HS6ST3: variants seen among roughly 807,000 people sequenced by gnomAD.
The protein encoded by HS6ST3 is heparan sulfate 6-O-sulfotransferase 3, also known as heparan-sulfate 6-O-sulfotransferase 3.
In HS6ST3, 12 loss-of-function variants were observed where a neutral mutation model predicts 36.7. The observed-to-expected ratio is 0.33, with a 90% CI of 0.21 to 0.53. The LOEUF is 0.53. Among genes scored for constraint, HS6ST3 ranks in the 20% least tolerant of loss-of-function variants. The pLI is 0.95. For missense variants in HS6ST3, 584 were observed against 640.9 expected (o/e 0.91, Z 0.96); for synonymous variants, 240 against 257.5 (o/e 0.93, Z 0.65).
At chr13:96,192,597 G>A (rs920929339) in intron 1 of HS6ST3, among the ~76,000 whole-genome samples, 7 of 54,586 alleles carry the variant, frequency 1.3e-4, no homozygotes, top group Middle Eastern at 9.1e-3. Flanking sequence ...TATTCCATGG[G>A]ATGGATATAT....
intron 1 of HS6ST3, among the ~76,000 whole-genome samples, chr13:96,766,880 A>G (rs1409990373): frequency 6.6e-6 from 1 of 152,232 alleles, no homozygotes; most frequent in Non-Finnish European, 1.5e-5. Context: ...CTGATCTAAA[A>G]GAATTGATAA....
intron 1 of HS6ST3, among the ~76,000 whole-genome samples, chr13:96,250,701 T>C (rs992074218): frequency 1.3e-5 from 2 of 152,168 alleles, no homozygotes; most frequent in African/African-American, 2.4e-5. Context: ...AGGAATACAA[T>C]ACATCCTCCA....
intron 1 of HS6ST3, among the ~76,000 whole-genome samples, chr13:96,322,688 C>A (rs2055010270): frequency 1.3e-5 from 2 of 152,314 alleles, no homozygotes; most frequent in African/African-American, 4.8e-5. Flanking sequence ...TTCTCTTAAC[C>A]ACTTTACAGC....
chr13:96,227,130 G>A (rs544451686), intron 1 of HS6ST3, among the ~76,000 whole-genome samples: 4 of 152,168 alleles, frequency 2.6e-5, no homozygotes, highest in East Asian at 3.9e-4. Context: ...TATTTTGCAC[G>A]TTCCATACAA....
chr13:96,503,812 C>T (rs1412154886), intron 1 of HS6ST3, among the ~76,000 whole-genome samples: 1 of 152,158 alleles, frequency 6.6e-6, no homozygotes, highest in Non-Finnish European at 1.5e-5. Context: ...CATAGCAAAA[C>T]ACCATAGACT....
At chr13:96,510,376 C>T (rs1016814227) in intron 1 of HS6ST3, among the ~76,000 whole-genome samples, 37 of 152,010 alleles carry the variant, frequency 2.4e-4, no homozygotes, top group African/African-American at 8.7e-4. Flanking sequence ...TTTCTCTTGC[C>T]TAATTGCTCT....
At chr13:96,581,371 C>T (rs2056341543) in intron 1 of HS6ST3, among the ~76,000 whole-genome samples, 1 of 152,060 alleles carries the variant, frequency 6.6e-6, no homozygotes, top group Admixed American at 6.6e-5. Flanking sequence ...AGGTGTATGT[C>T]ACCATGCCTG....
chr13:96,587,833 A>C (rs192854431), intron 1 of HS6ST3, among the ~76,000 whole-genome samples: 278 of 152,358 alleles, frequency 1.8e-3, no homozygotes, highest in Non-Finnish European at 1.9e-3. Flanking sequence ...ATGTTTAAAC[A>C]ATAGCAAGTT....
Position 96,377,107 on chromosome 13 carries a change from G to A in HS6ST3, c.707+285538G>A, listed in dbSNP as rs189057820. 4.7e-5 allele frequency among the ~76,000 whole-genome samples: 7 copies of A among 149,776 alleles called. No individual in the cohort carries two copies. In the East Asian group the frequency reaches 1.4e-3, roughly 29 times the overall value. ...AGGCCGAGTTTGGTGGCCCATGACTGTAATCTGAGCACTTTGGGAGGCTGA... is the reference window on the plus strand; with the variant it reads ...AGGCCGAGTTTGGTGGCCCATGACTATAATCTGAGCACTTTGGGAGGCTGA... On this transcript the variant is annotated intron_variant, in intron 1 of 1. Coordinates refer to ENST00000376705, the MANE Select transcript of HS6ST3 (RefSeq NM_153456.4).
At chr13:96,094,994 A>G (rs1295401241) in intron 1 of HS6ST3, among the ~76,000 whole-genome samples, 1 of 152,096 alleles carries the variant, frequency 6.6e-6, no homozygotes, top group South Asian at 2.1e-4. Context: ...CCTTTTTAGC[A>G]TTCTTGAGTA....
intron 1 of HS6ST3, among the ~76,000 whole-genome samples, chr13:96,517,719 A>T (rs1255367142): frequency 1.3e-5 from 2 of 152,040 alleles, no homozygotes; most frequent in Non-Finnish European, 2.9e-5. Flanking sequence ...CCTAGTACCA[A>T]ATGTTATTTT....
intron 1 of HS6ST3, among the ~76,000 whole-genome samples, chr13:96,724,024 T>A (rs1481760851): frequency 6.6e-6 from 1 of 152,228 alleles, no homozygotes; most frequent in Non-Finnish European, 1.5e-5. Flanking sequence ...AAAAGTTTTC[T>A]CTTTATTGCT....
At chr13:96,610,561 CT>C (rs1406740272) in intron 1 of HS6ST3, among the ~76,000 whole-genome samples, 2 of 152,068 alleles carry the variant, frequency 1.3e-5, no homozygotes, top group African/African-American at 4.8e-5. Context: ...TGTTCCTTCC[CT>C]TTTGCCATGT....
At chr13:96,175,593 A>T (rs2054208901) in intron 1 of HS6ST3, among the ~76,000 whole-genome samples, 1 of 150,374 alleles carries the variant, frequency 6.7e-6, no homozygotes, top group Non-Finnish European at 1.5e-5. Context: ...GATCCCACAG[A>T]CCTATGAACT....
intron 1 of HS6ST3, among the ~76,000 whole-genome samples, chr13:96,458,638 CAA>C (rs762733654): frequency 4.9e-4 from 29 of 59,018 alleles, no homozygotes; most frequent in African/African-American, 4.6e-4. Context: ...GTTCTCAAGA[CAA>C]AAAAAAAAAA....
chr13:96,563,161 T>C (rs1333973411), intron 1 of HS6ST3, among the ~76,000 whole-genome samples: 1 of 151,882 alleles, frequency 6.6e-6, no homozygotes, highest in Non-Finnish European at 1.5e-5. Context: ...TCATCTTACA[T>C]AGGTATTTTA....
intron 1 of HS6ST3, among the ~76,000 whole-genome samples, chr13:96,371,749 T>C (rs2055291186): frequency 6.6e-6 from 1 of 152,222 alleles, no homozygotes; most frequent in African/African-American, 2.4e-5. Context: ...TTTAGCATAA[T>C]ATCTGCCAGG....
chr13:96,579,515 C>T (rs2056334005), intron 1 of HS6ST3, among the ~76,000 whole-genome samples: 1 of 151,694 alleles, frequency 6.6e-6, no homozygotes, highest in African/African-American at 2.4e-5. Flanking sequence ...CCACACCAGT[C>T]CATGGATTGC....
At chr13:96,679,878 C>T (rs940270098) in intron 1 of HS6ST3, among the ~76,000 whole-genome samples, 38 of 152,248 alleles carry the variant, frequency 2.5e-4, no homozygotes, top group Non-Finnish European at 3.5e-4. Context: ...GACTTGGCCC[C>T]GGTCTTAAGA....
Sources: allele counts gnomAD v4.1 joint callset (sites outside exome capture counted in the v4.1 genomes callset), GRCh38; gene constraint gnomAD v4.1.1; transcripts MANE v1.5; gene names NCBI Gene and HGNC (gene_info 2026-07-23, HGNC 2026-07-21).